The following GOLGA3 variants were observed in gnomAD, a reference collection of about 807,000 sequenced individuals.
The protein encoded by GOLGA3 is golgin A3.
In GOLGA3, 75 loss-of-function variants were observed where a neutral mutation model predicts 169.4. The observed-to-expected ratio is 0.44, with a 90% CI of 0.37 to 0.54. The LOEUF (loss-of-function observed/expected upper bound fraction) is 0.54, where lower values mean the gene tolerates loss of function less well. Among genes scored for constraint, GOLGA3 ranks in the 20% least tolerant of loss-of-function variants. The probability of loss-of-function intolerance (pLI) is 0.00; values close to 1 mark genes in which losing one functional copy is unlikely to be tolerated. For missense variants in GOLGA3, 1,899 were observed against 1,930.0 expected (o/e 0.98, Z 0.30); for synonymous variants, 824 against 822.4 (o/e 1.00, Z -0.03).
Position 132,780,932 on chromosome 12 carries a change from A to G in GOLGA3, c.3466-18T>C. 6.4e-7 allele frequency: 1 copy of G among 1,557,254 alleles called. No individual in the cohort carries two copies. Among genetic ancestry groups the G allele is most frequent in the Non-Finnish European group, 8.8e-7 (1 of 1,133,440 alleles). ...GCCTGCACCTAGATCAGATTGCAGG[A>G]GGACAGATAAGGAAGGACGTCGAAT... On this transcript the variant is annotated intron_variant, in intron 17 of 23. Coordinates refer to ENST00000450791, the MANE Select transcript of GOLGA3 (RefSeq NM_001389683.1).
chr12:132,821,378 G>A lies in GOLGA3; in HGVS notation c.133+618C>T, dbSNP rs1400415294. Among the ~76,000 whole-genome samples, 4 of 149,100 alleles carry A rather than the reference G, an allele frequency of 2.7e-5. No homozygotes were observed. In the Admixed American group the frequency reaches 2.7e-4, roughly 10 times the overall value. ...AACGAGATCTCGCCATTGCACTCCA[G>A]CCCGGGCACCCAGAGCAAAACTCCA... is the stretch of plus-strand genomic sequence containing the variant. On this transcript the variant is annotated intron_variant, in intron 2 of 23. Transcript: ENST00000450791.
chr12:132,792,624 C>T (rs113418118), intron 11 of GOLGA3, among the ~76,000 whole-genome samples: 3 of 88,536 alleles, frequency 3.4e-5, no homozygotes, highest in African/African-American at 8.2e-5. Flanking sequence ...ACCTGCACTC[C>T]GAGGGCTCCA....
Position 132,796,092 on chromosome 12 carries a change from C to T in GOLGA3, c.2229G>A (p.Leu743=), listed in dbSNP as rs796860057. ...CCTGCAGCTCATCGTAGTGTGTCTG[C>T]AGGGCATCGAGGGACTGCTCCCTGC... The part of the protein sequence containing the change: ...LQSREQSLDA[L]QTHYDELQAR... Residue 743 remains leucine, a synonymous_variant, in exon 11 of 24, where the codon CTG becomes CTA. Coordinates refer to ENST00000450791, the MANE Select transcript of GOLGA3 (RefSeq NM_001389683.1). 6.2e-7 allele frequency: 1 copy of T among 1,613,042 alleles called. No individual in the cohort carries two copies. The highest frequency in any genetic ancestry group is 1.3e-5 in the African/African-American group (1 of 74,932).
chr12:132,786,480 G>C lies in GOLGA3; in HGVS notation c.2982C>G (p.Thr994=), dbSNP rs1368945580. Residue 994 remains threonine, a synonymous_variant, in exon 15 of 24, where the codon ACC becomes ACG. Coordinates refer to ENST00000450791, the MANE Select transcript of GOLGA3 (RefSeq NM_001389683.1). ...DLTSAQKEMK[T]KHKAYENAVG... is the part of the protein sequence containing the mutation. ...CGGCGTTCTCGTAGGCCTTATGTTT[G>C]GTCTTCATCTCCTTCTGGGCGCTGG... 1 of 1,613,752 alleles carries C rather than the reference G, an allele frequency of 6.2e-7. No individual in the cohort carries two copies. The highest frequency in any genetic ancestry group is 8.5e-7 in the Non-Finnish European group (1 of 1,179,968).
chr12:132,800,889 G>A (rs769150263), intron 8 of GOLGA3, among the ~76,000 whole-genome samples: 4 of 152,092 alleles, frequency 2.6e-5, no homozygotes, highest in East Asian at 3.9e-4. Context: ...AGTCTGAGAG[G>A]TTGAGGCTGC....
At chr12:132,802,003 C>A in intron 7 of GOLGA3, 34 bp from the exon 8 acceptor site, 1 of 1,559,066 alleles carries the variant, frequency 6.4e-7, no homozygotes, top group Non-Finnish European at 8.7e-7. Context: ...CTCAGGCCAG[C>A]GACGGCCAAC....
rs1247892701 is a variant in GOLGA3 at position 132,784,011 on chromosome 12, G to C, written c.3267+153C>G. 3 of 1,509,874 alleles carry C rather than the reference G, an allele frequency of 2.0e-6. No homozygotes were observed. In the Admixed American group the frequency reaches 6.0e-5, roughly 30 times the overall value. 93.5% of individuals were successfully genotyped at this position (1,509,874 alleles called of 1,614,324 possible). Reference sequence around the variant, plus strand: ...GAATCAGGGCCTGCCCCACCACAGAGCCAGAGGCCGACGGTCAGAAGGTGG... The same window carrying C: ...GAATCAGGGCCTGCCCCACCACAGACCCAGAGGCCGACGGTCAGAAGGTGG... On this transcript the variant is annotated intron_variant, in intron 16 of 23. Transcript: ENST00000450791.
In GOLGA3 at chr12:132,803,041, G is replaced by T. The variant is rs569997253; in HGVS notation, c.1598-1072C>A. Among the ~76,000 whole-genome samples, 3 of 150,774 alleles carry T rather than the reference G, an allele frequency of 2.0e-5. No individual in the cohort carries two copies. In the South Asian group the frequency reaches 6.3e-4, roughly 32 times the overall value. The stretch of plus-strand genomic sequence containing the variant: ...TTGCACTCCAGCCTGGGCAACAAGA[G>T]TGAAACTCCGTCTCAAAAACAAAAC... On this transcript the variant is annotated intron_variant, in intron 7 of 23. Coordinates refer to ENST00000450791, the MANE Select transcript of GOLGA3 (RefSeq NM_001389683.1).
chr12:132,801,196 C>T (rs896597497), intron 8 of GOLGA3, among the ~76,000 whole-genome samples: 2 of 152,198 alleles, frequency 1.3e-5, no homozygotes, highest in African/African-American at 2.4e-5. Context: ...TGCCCGCTAA[C>T]GAGTGGACGG....
chr12:132,790,458 A>G (rs949191389), intron 12 of GOLGA3, among the ~76,000 whole-genome samples: 1 of 152,224 alleles, frequency 6.6e-6, no homozygotes, highest in South Asian at 2.1e-4. Context: ...CAGATCCCAT[A>G]AAATCCAACA....
Position 132,777,143 on chromosome 12 carries a change from G to T in GOLGA3, c.3723-53C>A, listed in dbSNP as rs952514839. The T allele has an allele frequency of 6.5e-7, 1 of 1,531,136 alleles. No individual in the cohort carries two copies. Among genetic ancestry groups the T allele is most frequent in the African/African-American group, 1.4e-5 (1 of 72,408 alleles). 94.8% of individuals were successfully genotyped at this position (1,531,136 alleles called of 1,614,324 possible). ...AATCGCCACGCTCCTCCAGTGTGCT[G>T]TGCCCTCCCGCTGGGAAATGCTGCC... is the stretch of plus-strand genomic sequence containing the variant. On this transcript the variant is annotated intron_variant, in intron 19 of 23. Transcript: ENST00000450791. This position sits in a 1 kb window ranked among gnomAD's most constrained non-coding sequence, Gnocchi z 4.7.
Position 132,801,808 on chromosome 12 carries a change from C to T in GOLGA3, c.1759G>A (p.Glu587Lys). Residue 587 changes from glutamate (E) to lysine (K), a missense_variant, in exon 8 of 24, where the codon GAG becomes AAG. Glu to Lys is a moderately conservative substitution (Grantham distance 56). Transcript: ENST00000450791. ...TCACCCTGCAGCCTGACGCGGGCCTCCTGTGCCAGGGCGAGCTGCTGCTGG... is the reference window on the plus strand; with the variant it reads ...TCACCCTGCAGCCTGACGCGGGCCTTCTGTGCCAGGGCGAGCTGCTGCTGG... ...WYQQQLALAQ[E>K]ARVRLQGEMA... 1 of 1,611,384 alleles carries T rather than the reference C, an allele frequency of 6.2e-7. No individual in the cohort carries two copies. Among genetic ancestry groups the T allele is most frequent in the Non-Finnish European group, 8.5e-7 (1 of 1,180,030 alleles).
chr12:132,812,225 A>G (rs1162026816), intron 4 of GOLGA3, among the ~76,000 whole-genome samples: 9 of 133,768 alleles, frequency 6.7e-5, no homozygotes, highest in Non-Finnish European at 1.7e-5. Flanking sequence ...ATATATATAT[A>G]TATATTTTTT....
chr12:132,786,141 G>C (rs571789996), intron 15 of GOLGA3, among the ~76,000 whole-genome samples, 198 bp downstream of exon 15: 1 of 152,382 alleles, frequency 6.6e-6, no homozygotes, highest in African/African-American at 2.4e-5. Context: ...GCCATGTGGG[G>C]TTCATGAGGG....
chr12:132,775,477 T>C (rs1242310383), intron 21 of GOLGA3, among the ~76,000 whole-genome samples, 172 bp from the exon 22 acceptor site: 1 of 152,230 alleles, frequency 6.6e-6, no homozygotes, highest in Admixed American at 6.5e-5. Context: ...AATTTTGGAA[T>C]TTTGAATATT....
In GOLGA3 at chr12:132,789,858, C is replaced by T. The variant is rs369249199; in HGVS notation, c.2548-568G>A. Among the ~76,000 whole-genome samples, 78 of 151,856 alleles carry T rather than the reference C, an allele frequency of 5.1e-4. 1 individual carries two copies. The South Asian group carries it at 0.016, about 31-fold the overall frequency. On this transcript the variant is annotated intron_variant, in intron 12 of 23. Transcript: ENST00000450791. ...CCAGCCTGGCCAACAAGGTGAAAACCCCATCTCTACTAAAAATACAAAAAA... is the reference window on the plus strand; with the variant it reads ...CCAGCCTGGCCAACAAGGTGAAAACTCCATCTCTACTAAAAATACAAAAAA...
intron 6 of GOLGA3, among the ~76,000 whole-genome samples, chr12:132,805,946 G>C (rs1219332310): frequency 6.6e-6 from 1 of 152,226 alleles, no homozygotes; most frequent in Non-Finnish European, 1.5e-5. Context: ...AAAGGCGGCT[G>C]CCTAAGTGCG....
Position 132,826,075 on chromosome 12 carries a change from C to T in GOLGA3, c.-184+2728G>A, listed in dbSNP as rs191719138. The T allele has an allele frequency of 4.6e-5, 65 of 1,422,744 alleles. No individual in the cohort carries two copies. In the African/African-American group the frequency reaches 6.8e-4, roughly 15 times the overall value. The allele number at this position is 1,422,744 out of a possible 1,614,324, so 88.1% of individuals were successfully genotyped here. The stretch of plus-strand genomic sequence containing the variant: ...TCAGGGACGTCCAGATCGGTGACAT[C>T]GTCACAGTGGGCGAGTGCCGGCCTT... On this transcript the variant is annotated intron_variant, in intron 1 of 23. Coordinates refer to ENST00000450791, the MANE Select transcript of GOLGA3 (RefSeq NM_001389683.1).
chr12:132,790,866 G>A (rs188783250), intron 12 of GOLGA3, among the ~76,000 whole-genome samples: 129 of 151,926 alleles, frequency 8.5e-4, no homozygotes, highest in African/African-American at 2.9e-3. Flanking sequence ...TGGCTAACAC[G>A]GAGAAACCCC....
Sources: gnomAD v4.1 joint callset for allele counts (sites outside exome capture counted in the v4.1 genomes callset) on GRCh38, gnomAD v4.1.1 for gene constraint, Gnocchi (gnomAD v3.1) non-coding constraint, MANE v1.5 for transcripts, NCBI Gene and HGNC (gene_info 2026-07-23, HGNC 2026-07-21) for gene names.